HDAC4: variants seen among roughly 807,000 people sequenced by gnomAD.
The protein encoded by HDAC4 is histone deacetylase 4, also known as histone deacetylase A.
HDAC4 carries 16 observed loss-of-function variants against 135.1 expected under a neutral mutation model. The observed-to-expected ratio is 0.12, with a 90% CI of 0.08 to 0.18. HDAC4 has a LOEUF of 0.18. HDAC4 is among the 10% of genes least tolerant of loss of function. The pLI is 1.00. For synonymous variants in HDAC4, 685 were observed against 653.4 expected, an observed-to-expected ratio of 1.05 and a Z score of -0.74; for missense variants, 1,143 against 1,511.8, an observed-to-expected ratio of 0.76 and a Z score of 4.05.
Position 239,121,180 on chromosome 2 carries a change from C to A in HDAC4, c.1533+5276G>T, listed in dbSNP as rs561626234. On this transcript the variant is annotated intron_variant, in intron 12 of 26. Coordinates refer to ENST00000543185, the MANE Select transcript of HDAC4 (RefSeq NM_001378414.1). ...CCAGGTTGCCCAGGCTGGTCTCGAA[C>A]TCTTGAGCCAAAACGATCCACCCAC... Among the ~76,000 whole-genome samples, 3 of 152,262 alleles carry A rather than the reference C, an allele frequency of 2.0e-5. No homozygotes were observed. The South Asian group carries it at 6.2e-4, about 32-fold the overall frequency.
intron 16 of HDAC4, among the ~76,000 whole-genome samples, chr2:239,095,839 G>A (rs555228443): frequency 1.3e-5 from 2 of 152,160 alleles, no homozygotes; most frequent in Admixed American, 6.5e-5. Context: ...AACCAGGGGC[G>A]GGACCTACCA....
chr2:239,132,956 A>G (rs1300059013), intron 11 of HDAC4, among the ~76,000 whole-genome samples: 1 of 152,132 alleles, frequency 6.6e-6, no homozygotes, highest in African/African-American at 2.4e-5. Context: ...ATTCCTCCAG[A>G]GAGATCCGCG....
chr2:239,287,458 A>G (rs1478050518), intron 2 of HDAC4, among the ~76,000 whole-genome samples: 1 of 152,236 alleles, frequency 6.6e-6, no homozygotes, highest in Non-Finnish European at 1.5e-5. Flanking sequence ...TCAAAGGTGT[A>G]CTGTTGACAC....
At chr2:239,322,701 G>A (rs968766616) in intron 2 of HDAC4, among the ~76,000 whole-genome samples, 3 of 152,186 alleles carry the variant, frequency 2.0e-5, no homozygotes, top group African/African-American at 7.2e-5. Context: ...CTGAGTGCTG[G>A]TGTGTGGACG....
chr2:239,161,914 T>C (rs1020318764), intron 6 of HDAC4: 4 of 365,506 alleles, frequency 1.1e-5, no homozygotes, highest in Admixed American at 1.1e-4. Context: ...GTGGCCTCCT[T>C]GACTGCAGGT....
chr2:239,269,250 C>T (rs959508484), intron 2 of HDAC4, among the ~76,000 whole-genome samples: 4 of 151,094 alleles, frequency 2.6e-5, no homozygotes, highest in Non-Finnish European at 4.4e-5. Flanking sequence ...CATCTACACA[C>T]ATTCACACAC....
intron 2 of HDAC4, among the ~76,000 whole-genome samples, chr2:239,316,323 GC>G (rs1367671474): frequency 1.3e-5 from 2 of 152,158 alleles, no homozygotes; most frequent in Admixed American, 1.3e-4. Context: ...CAGATGGCAG[GC>G]CCGGTGACTC....
chr2:239,092,445 C>T lies in HDAC4; in HGVS notation c.2281-2329G>A, dbSNP rs113146622. 2.2e-3 allele frequency among the ~76,000 whole-genome samples: 337 copies of T among 152,282 alleles called. 3 individuals carry two copies. The highest frequency in any genetic ancestry group is 7.3e-3 in the African/African-American group (303 of 41,564). ...GAACTAGGCTTTGGGATTAGGCCAA[C>T]ACTGCAGGGAGCGGAGGGTGTACTA... On this transcript the variant is annotated intron_variant, in intron 17 of 26. Transcript: ENST00000543185.
Position 239,121,000 on chromosome 2 carries a change from CT to C in HDAC4, c.1533+5455del, listed in dbSNP as rs34226161. ...TCTTCTGATGCTTTCCTTTAAATTT[CT>C]TTTTTTTTTTTTTTGAGACAGGGTC... On this transcript the variant is annotated intron_variant, in intron 12 of 26. Transcript: ENST00000543185. Among the ~76,000 whole-genome samples, 579 of 144,710 alleles carry C rather than the reference CT, an allele frequency of 4.0e-3. 3 individuals carry two copies. The highest frequency in any genetic ancestry group is 0.011 in the African/African-American group (437 of 38,614). The allele number at this position is 144,710 out of a possible 152,430, so 94.9% of individuals were successfully genotyped here.
chr2:239,260,988 G>A (rs115840263), intron 2 of HDAC4, among the ~76,000 whole-genome samples: 2,160 of 152,164 alleles, frequency 0.014, 61 homozygotes, highest in African/African-American at 0.048. Context: ...GCCTGGGAGC[G>A]GCTGGAGCGG....
rs1465168217 is a variant in HDAC4 at position 239,306,362 on chromosome 2, C to T, written c.22+46316G>A. 6.6e-6 allele frequency among the ~76,000 whole-genome samples: 1 copy of T among 152,198 alleles called. No individual in the cohort carries two copies. The highest frequency in any genetic ancestry group is 2.4e-5 in the African/African-American group (1 of 41,452). ...AAGTCAGTGACTACAACAGAGGACA[C>T]AGCCTTCCAGTGGACACGAGGACCT... On this transcript the variant is annotated intron_variant, in intron 2 of 26. Coordinates refer to ENST00000543185, the MANE Select transcript of HDAC4 (RefSeq NM_001378414.1). The surrounding 1 kb of genome is among the most constrained non-coding windows in gnomAD (Gnocchi z 4.5).
At chr2:239,351,302 G>T (rs1342206762) in intron 2 of HDAC4, among the ~76,000 whole-genome samples, 1 of 152,180 alleles carries the variant, frequency 6.6e-6, no homozygotes, top group Non-Finnish European at 1.5e-5. Flanking sequence ...TATCAAAAGA[G>T]CAAGTTATAT....
intron 17 of HDAC4, chr2:239,094,013 A>G: frequency 1.0e-6 from 1 of 985,460 alleles, no homozygotes; most frequent in Non-Finnish European, 1.2e-6. Flanking sequence ...CTCAGGAAGA[A>G]AACAATTTTG....
chr2:239,394,272 C>A (rs1696420232), intron 1 of HDAC4, among the ~76,000 whole-genome samples: 1 of 152,242 alleles, frequency 6.6e-6, no homozygotes, highest in Admixed American at 6.5e-5. Context: ...CAAAGCCCAA[C>A]ACTCACATTT....
At chr2:239,336,973 C>G (rs187431393) in intron 2 of HDAC4, among the ~76,000 whole-genome samples, 1 of 152,324 alleles carries the variant, frequency 6.6e-6, no homozygotes, top group Non-Finnish European at 1.5e-5. Context: ...TTCTGATGAC[C>G]TTGGCATATC....
At chr2:239,362,951 T>C (rs868145763) in intron 1 of HDAC4, among the ~76,000 whole-genome samples, 3 of 152,228 alleles carry the variant, frequency 2.0e-5, no homozygotes, top group Non-Finnish European at 1.5e-5. Context: ...TTTTACAGGA[T>C]TGCTGAGTAA....
At chr2:239,378,728 G>GAACCAATGACCCCAGC (rs1423651373) in intron 1 of HDAC4, among the ~76,000 whole-genome samples, 1 of 152,056 alleles carries the variant, frequency 6.6e-6, no homozygotes, top group African/African-American at 2.4e-5. Context: ...ATAACCCCAG[G>GAACCAATGACCCCAGC]AACCAATGAC....
chr2:239,085,417 A>G (rs1323458272), intron 19 of HDAC4, among the ~76,000 whole-genome samples: 1 of 152,150 alleles, frequency 6.6e-6, no homozygotes, highest in African/African-American at 2.4e-5. Flanking sequence ...CCGGGCTGGC[A>G]TGGGGAAGCC....
At position 239,233,634 on chromosome 2, in the gene HDAC4, G is replaced by A. The variant is rs111533853; in HGVS notation, c.94+2959C>T. Among the ~76,000 whole-genome samples, 306 of 152,290 alleles carry A rather than the reference G, an allele frequency of 2.0e-3. 1 individual carries two copies. The highest frequency in any genetic ancestry group is 7.3e-3 in the African/African-American group (302 of 41,548). On this transcript the variant is annotated intron_variant, in intron 3 of 26. Coordinates refer to ENST00000543185, the MANE Select transcript of HDAC4 (RefSeq NM_001378414.1). ...TGAATAATGCTTTTCTGTTGGAAGT[G>A]GGAATTTATTAGGACTAAGTGTATT...
Sources: allele counts gnomAD v4.1 joint callset (sites outside exome capture counted in the v4.1 genomes callset), GRCh38; gene constraint gnomAD v4.1.1; non-coding constraint Gnocchi (gnomAD v3.1); transcripts MANE v1.5; gene names NCBI Gene and HGNC (gene_info 2026-07-23, HGNC 2026-07-21).